The following RBMS3 variants were observed in gnomAD, a reference collection of about 807,000 sequenced individuals.
RBMS3 encodes the protein RNA binding motif single stranded interacting protein 3.
RBMS3 carries 27 observed loss-of-function variants against 66.8 expected under a neutral mutation model. The observed-to-expected ratio is 0.40, with a 90% confidence interval of 0.30 to 0.56. The LOEUF (loss-of-function observed/expected upper bound fraction) is 0.56, where lower values mean the gene tolerates loss of function less well. RBMS3 is among the 20% of genes least tolerant of loss of function. The pLI is 0.40. For missense variants in RBMS3, 513 were observed against 549.5 expected (o/e 0.93, Z 0.66); for synonymous variants, 188 against 183.0 (o/e 1.03, Z -0.22).
intron 12 of RBMS3, among the ~76,000 whole-genome samples, chr3:29,984,817 GT>G (rs1429402277): frequency 6.6e-6 from 1 of 152,118 alleles, no homozygotes; most frequent in Non-Finnish European, 1.5e-5. Context: ...CCAGATGCCT[GT>G]ATGAGGTGTC....
intron 4 of RBMS3, among the ~76,000 whole-genome samples, chr3:29,738,563 A>T (rs1025595824): frequency 1.3e-5 from 2 of 152,202 alleles, no homozygotes; most frequent in African/African-American, 4.8e-5. Context: ...TTTAAGCATT[A>T]TTGGTGCTGA....
chr3:29,594,580 C>A (rs2047876989), intron 4 of RBMS3, among the ~76,000 whole-genome samples: 1 of 152,110 alleles, frequency 6.6e-6, no homozygotes, highest in Non-Finnish European at 1.5e-5. Flanking sequence ...AGACAGATCT[C>A]TCTAAAAATA....
intron 1 of RBMS3, among the ~76,000 whole-genome samples, chr3:29,312,988 G>A (rs2034470507): frequency 6.6e-6 from 1 of 151,686 alleles, no homozygotes; most frequent in Admixed American, 6.6e-5. Context: ...GCATGGAGAA[G>A]GATGAGAGAG....
intron 7 of RBMS3, among the ~76,000 whole-genome samples, chr3:29,879,221 G>A (rs1385054835): frequency 2.6e-5 from 4 of 151,872 alleles, no homozygotes; most frequent in Non-Finnish European, 2.9e-5. Context: ...ATTTTGTATC[G>A]TGACTTGTTC....
At chr3:29,774,339 A>C (rs2056342691) in intron 6 of RBMS3, among the ~76,000 whole-genome samples, 1 of 152,028 alleles carries the variant, frequency 6.6e-6, no homozygotes. Context: ...CAGCAGATAA[A>C]ACCGTGATCA....
At chr3:29,938,409 G>T (rs1269801954) in intron 11 of RBMS3, among the ~76,000 whole-genome samples, 1 of 151,676 alleles carries the variant, frequency 6.6e-6, no homozygotes, top group African/African-American at 2.4e-5. Context: ...CTTTACATTT[G>T]TTCTAAATAA....
At chr3:29,422,487 T>C (rs949610453) in intron 1 of RBMS3, among the ~76,000 whole-genome samples, 6 of 151,914 alleles carry the variant, frequency 3.9e-5, no homozygotes, top group Admixed American at 3.3e-4. Flanking sequence ...CGAGAAATTC[T>C]CTAAGGTTTG....
intron 4 of RBMS3, among the ~76,000 whole-genome samples, chr3:29,690,767 G>T (rs2149272667): frequency 1.3e-5 from 2 of 152,226 alleles, no homozygotes; most frequent in Middle Eastern, 3.4e-3. Flanking sequence ...TGAACTTTGT[G>T]CTCTGTCATA....
At chr3:29,522,542 C>T (rs1185451195) in intron 3 of RBMS3, among the ~76,000 whole-genome samples, 1 of 152,064 alleles carries the variant, frequency 6.6e-6, no homozygotes, top group African/African-American at 2.4e-5. Flanking sequence ...TTACAGGAAG[C>T]TGCTACCAAT....
chr3:29,645,364 G>C (rs1320291523), intron 4 of RBMS3, among the ~76,000 whole-genome samples: 1 of 152,218 alleles, frequency 6.6e-6, no homozygotes, highest in African/African-American at 2.4e-5. Context: ...GTTCGGCTTT[G>C]TGTCTTATTC....
chr3:29,602,581 A>G (rs2048184645), intron 4 of RBMS3, among the ~76,000 whole-genome samples: 1 of 152,008 alleles, frequency 6.6e-6, no homozygotes, highest in Admixed American at 6.6e-5. Flanking sequence ...GGGAAATTGT[A>G]TATCCAGAAA....
rs1253834979 is a variant in RBMS3, at chr3:29,761,820, CTT to C, written c.558-1088_558-1087del. On this transcript the variant is annotated intron_variant, in intron 5 of 14. Transcript: ENST00000383767. ...TAACAGCAGAAAATCCAAAATTAAACTTTGCCTTTTGAACACATTTTACACAT... is the reference window on the plus strand; with the variant it reads ...TAACAGCAGAAAATCCAAAATTAAACTGCCTTTTGAACACATTTTACACAT... Among the ~76,000 whole-genome samples, 3 of 152,258 alleles carry C rather than the reference CTT, an allele frequency of 2.0e-5. No homozygotes were observed. The South Asian group carries it at 6.2e-4, about 32-fold the overall frequency.
intron 4 of RBMS3, among the ~76,000 whole-genome samples, chr3:29,656,491 A>G (rs2050332036): frequency 6.6e-6 from 1 of 152,222 alleles, no homozygotes; most frequent in African/African-American, 2.4e-5. Flanking sequence ...ACACTCTGTG[A>G]TGTCCACATA....
chr3:29,874,325 T>G (rs1377639202), intron 7 of RBMS3, among the ~76,000 whole-genome samples: 1 of 152,156 alleles, frequency 6.6e-6, no homozygotes, highest in East Asian at 1.9e-4. Context: ...GAAAATAGTA[T>G]ATCTAAAGAA....
intron 11 of RBMS3, among the ~76,000 whole-genome samples, chr3:29,939,997 G>A (rs2061352239): frequency 6.6e-6 from 1 of 151,742 alleles, no homozygotes. Flanking sequence ...TTCCCTGCAA[G>A]CTAATGACAT....
intron 6 of RBMS3, among the ~76,000 whole-genome samples, chr3:29,811,323 G>C (rs2057723179): frequency 6.6e-6 from 1 of 152,108 alleles, no homozygotes; most frequent in Non-Finnish European, 1.5e-5. Flanking sequence ...CCATCCTGGG[G>C]CACGCCTGGA....
intron 3 of RBMS3, 117 bp from the exon 4 acceptor site, chr3:29,586,997 C>T: frequency 1.5e-6 from 1 of 681,626 alleles, no homozygotes; most frequent in Non-Finnish European, 2.4e-6. Flanking sequence ...AATGTTCAAC[C>T]AGGGTAATAT....
At chr3:29,455,495 C>T (rs1345184958) in intron 2 of RBMS3, among the ~76,000 whole-genome samples, 1 of 152,064 alleles carries the variant, frequency 6.6e-6, no homozygotes, top group Non-Finnish European at 1.5e-5. Context: ...GTAAGATTCC[C>T]ACAAGCCTCT....
At chr3:29,599,361 G>T (rs1302029453) in intron 4 of RBMS3, among the ~76,000 whole-genome samples, 2 of 150,742 alleles carry the variant, frequency 1.3e-5, no homozygotes, top group African/African-American at 2.4e-5. Flanking sequence ...CATGTTCTCT[G>T]TAAATATATA....
Sources: allele counts gnomAD v4.1 joint callset (sites outside exome capture counted in the v4.1 genomes callset), GRCh38; gene constraint gnomAD v4.1.1; transcripts MANE v1.5; gene names NCBI Gene and HGNC (gene_info 2026-07-23, HGNC 2026-07-21).